Variants in ANKAR observed in about 807,000 individuals in gnomAD.
ANKAR encodes ankyrin and armadillo repeat-containing protein.
Under a neutral mutation model 146.2 loss-of-function variants are expected in ANKAR, and 136 were observed. That is an observed-to-expected ratio of 0.93 (90% CI 0.81 to 1.07). The LOEUF (loss-of-function observed/expected upper bound fraction) is 1.07, where lower values mean the gene tolerates loss of function less well. Among genes scored for constraint, ANKAR ranks in the 50% least tolerant of loss-of-function variants. The probability of loss-of-function intolerance (pLI) is 0.00; values close to 1 mark genes in which losing one functional copy is unlikely to be tolerated. For synonymous variants in ANKAR, 500 were observed against 575.8 expected, an observed-to-expected ratio of 0.87 and a Z score of 1.88; for missense variants, 1,567 against 1,679.9, an observed-to-expected ratio of 0.93 and a Z score of 1.18.
chr2:189,730,035 GTAGTATGTTATAAAGAGACA>G (rs1286995397), intron 15 of ANKAR, among the ~76,000 whole-genome samples: 9 of 151,678 alleles, frequency 5.9e-5, no homozygotes, highest in Admixed American at 5.3e-4. Flanking sequence ...GCAATTTAAA[GTAGTATGTTATAAAGAGACA>G]TAGTAAGATT....
downstream of ANKAR, chr2:189,762,484 G>C (rs1017777498): frequency 3.1e-5 from 21 of 668,992 alleles, no homozygotes; most frequent in African/African-American, 3.7e-4. Context: ...AGAGGAATTA[G>C]ATTTGCATTA....
intron 10 of ANKAR, among the ~76,000 whole-genome samples, chr2:189,716,810 G>A (rs2040525360): frequency 6.6e-6 from 1 of 151,538 alleles, no homozygotes; most frequent in Non-Finnish European, 1.5e-5. Flanking sequence ...TCTGATCTTT[G>A]ACAAACCTGA....
chr2:189,681,844 C>A (rs528058761), intron 2 of ANKAR, among the ~76,000 whole-genome samples: 1 of 152,272 alleles, frequency 6.6e-6, no homozygotes, highest in African/African-American at 2.4e-5. Flanking sequence ...AATATCAGTG[C>A]TTTCCTGATA....
chr2:189,747,466 C>G (rs184543291), downstream of ANKAR: 1 of 151,364 alleles, frequency 6.6e-6, no homozygotes, highest in Admixed American at 6.6e-5. Flanking sequence ...AATCTGAAAT[C>G]ATTGCCCATC....
intron 7 of ANKAR, among the ~76,000 whole-genome samples, chr2:189,700,203 T>C (rs1253556684): frequency 6.6e-6 from 1 of 152,176 alleles, no homozygotes; most frequent in East Asian, 1.9e-4. Flanking sequence ...TCTTTATTCC[T>C]CATTCACTTT....
At chr2:189,687,235 G>A (rs961865549) in intron 2 of ANKAR, among the ~76,000 whole-genome samples, 3 of 152,028 alleles carry the variant, frequency 2.0e-5, no homozygotes, top group African/African-American at 7.2e-5. Context: ...TTGTCTTTCT[G>A]TGCATGGCTT....
rs1317837953 is a variant in ANKAR at position 189,726,583 on chromosome 2, AC to A, written c.2636-1271del. Among the ~76,000 whole-genome samples, 4 of 152,214 alleles carry A rather than the reference AC, an allele frequency of 2.6e-5. No homozygotes were observed. The East Asian group carries it at 7.7e-4, about 29-fold the overall frequency. The stretch of plus-strand genomic sequence containing the variant: ...ATTAAAAATGTCTATGTCATAAGAG[AC>A]CAAAAAACCCCTGAGAAAAGGTTCC... On this transcript the variant is annotated intron_variant, in intron 12 of 22. Transcript: ENST00000684021.
intron 17 of ANKAR, among the ~76,000 whole-genome samples, chr2:189,734,821 G>A (rs573606472): frequency 1.5e-4 from 23 of 151,928 alleles, no homozygotes; most frequent in African/African-American, 3.4e-4. Flanking sequence ...AAAATTGGCC[G>A]GGCGTGGTGG....
At chr2:189,694,024 C>T (rs1267385743) in intron 5 of ANKAR, among the ~76,000 whole-genome samples, 9 of 152,192 alleles carry the variant, frequency 5.9e-5, no homozygotes, top group Admixed American at 4.6e-4. Flanking sequence ...GCTGGGATTA[C>T]GGGCATGAGC....
At chr2:189,719,500 G>C (rs544546367) in intron 10 of ANKAR, 72 bp from the exon 11 acceptor site, 1 of 1,260,412 alleles carries the variant, frequency 7.9e-7, no homozygotes, top group South Asian at 2.1e-5. Context: ...TTTAAATATT[G>C]CCATGATAAA....
chr2:189,758,515 C>T (rs1315123514), intron 18 of ANKAR, among the ~76,000 whole-genome samples: 1 of 152,216 alleles, frequency 6.6e-6, no homozygotes, highest in Admixed American at 6.5e-5. Flanking sequence ...GCAGATGCTG[C>T]CACGCTTCCT....
chr2:189,735,868 AATTAATT>A (rs2042794501), intron 17 of ANKAR, among the ~76,000 whole-genome samples: 1 of 152,234 alleles, frequency 6.6e-6, no homozygotes, highest in Admixed American at 6.5e-5. Flanking sequence ...TATGTGGGCT[AATTAATT>A]ATGAATATAC....
chr2:189,760,491 C>T (rs2046874017), intron 18 of ANKAR, among the ~76,000 whole-genome samples: 1 of 152,204 alleles, frequency 6.6e-6, no homozygotes, highest in African/African-American at 2.4e-5. Context: ...TCTGCAAATA[C>T]ATTAACAATC....
At chr2:189,746,670 A>G, downstream of ANKAR, 1 of 1,529,940 alleles carries the variant, frequency 6.5e-7, no homozygotes, top group Non-Finnish European at 8.7e-7. Flanking sequence ...CATCTTTTAA[A>G]AATTTTTTTA....
intron 5 of ANKAR, 120 bp downstream of exon 5, chr2:189,693,297 A>G (rs1047143172): frequency 3.1e-6 from 2 of 641,586 alleles, no homozygotes; most frequent in Non-Finnish European, 5.5e-6. Flanking sequence ...TTCCACAATA[A>G]TAACCACCAT....
At chr2:189,733,315 C>A in intron 17 of ANKAR, 86 bp downstream of exon 17, 1 of 1,130,840 alleles carries the variant, frequency 8.8e-7, no homozygotes, top group Non-Finnish European at 1.2e-6. Context: ...TTCTTCATGG[C>A]AATATTCAAT....
intron 2 of ANKAR, among the ~76,000 whole-genome samples, chr2:189,681,498 T>C (rs1559053291): frequency 6.6e-6 from 1 of 152,150 alleles, no homozygotes; most frequent in Non-Finnish European, 1.5e-5. Flanking sequence ...CAGAGACACA[T>C]AGGAACATTC....
In ANKAR at chr2:189,702,869, G is replaced by A. The variant is rs192691110; in HGVS notation, c.1709-2154G>A. ...GAAATGATTAGGAGTTAGCTAGATC[G>A]GTAAGGGAGGAATTGTTTGGGAGAA... is the stretch of plus-strand genomic sequence containing the variant. On this transcript the variant is annotated intron_variant, in intron 7 of 22. Coordinates refer to ENST00000684021, the MANE Select transcript of ANKAR (RefSeq NM_001378068.1). Among the ~76,000 whole-genome samples, 737 of 152,252 alleles carry A rather than the reference G, an allele frequency of 4.8e-3. 3 individuals carry two copies. Among genetic ancestry groups the A allele is most frequent in the African/African-American group, 0.016 (682 of 41,532 alleles).
chr2:189,744,621 T>A, intron 21 of ANKAR, 121 bp from the exon 22 acceptor site: 2 of 607,920 alleles, frequency 3.3e-6, no homozygotes, highest in Non-Finnish European at 5.7e-6. Flanking sequence ...AGGTAACATG[T>A]ATGAATTAGG....
Sources: gnomAD v4.1 joint callset for allele counts (sites outside exome capture counted in the v4.1 genomes callset) on GRCh38, gnomAD v4.1.1 for gene constraint, MANE v1.5 for transcripts, NCBI Gene and HGNC (gene_info 2026-07-23, HGNC 2026-07-21) for gene names.